Variants in ATXN7 observed in about 807,000 individuals in gnomAD.
ATXN7 encodes ataxin-7.
A neutral mutation model predicts 70.5 loss-of-function variants in ATXN7; 12 were observed. The ratio of observed to expected loss-of-function variants is 0.17; its 90% CI spans 0.11 to 0.28. ATXN7 has a LOEUF of 0.28. ATXN7 is among the 10% of genes least tolerant of loss of function. ATXN7 has a pLI of 1.00. For synonymous variants in ATXN7, 498 were observed against 448.7 expected (o/e 1.11, Z -1.39); for missense variants, 1,256 against 1,131.7 (o/e 1.11, Z -1.58).
intron 1 of ATXN7, among the ~76,000 whole-genome samples, chr3:63,875,248 A>G (rs1702714952): frequency 6.6e-6 from 1 of 151,754 alleles, no homozygotes; most frequent in African/African-American, 2.4e-5. Context: ...ATGCCATTAC[A>G]CTTAGCTAAT....
In ATXN7 at chr3:63,995,580, A is replaced by G. The variant is rs767090720; in HGVS notation, c.1758A>G (p.Thr586=). 2 of 1,614,180 alleles carry G rather than the reference A, an allele frequency of 1.2e-6. No individual in the cohort carries two copies. The highest frequency in any genetic ancestry group is 8.5e-7 in the Non-Finnish European group (1 of 1,180,014). The stretch of plus-strand genomic sequence containing the variant: ...CTCACCGGACAAACTCTGTGCCGAC[A>G]TCACAATGTGGAGTCAGCTATCTGG... ...RIPHRTNSVP[T]SQCGVSYLAA... is the part of the protein sequence containing the mutation. The change falls in exon 12 of 13, where the codon ACA becomes ACG. Residue 586 remains threonine, a synonymous_variant. Coordinates refer to ENST00000674280, the MANE Select transcript of ATXN7 (RefSeq NM_001377405.1).
intron 1 of ATXN7, among the ~76,000 whole-genome samples, chr3:63,880,033 C>T (rs984376522): frequency 1.3e-5 from 2 of 152,018 alleles, no homozygotes; most frequent in African/African-American, 4.8e-5. Context: ...TTGCGGTGAG[C>T]TGAGATCGCG....
Position 63,988,237 on chromosome 3 carries a change from C to T in ATXN7, c.1274C>T (p.Pro425Leu), listed in dbSNP as rs921363328. The change falls in exon 9 of 13, where the codon CCG (proline) becomes CTG (leucine). Residue 425 changes from proline to leucine, a missense_variant. Pro to Leu is a moderately conservative substitution (Grantham distance 98). Coordinates refer to ENST00000674280, the MANE Select transcript of ATXN7 (RefSeq NM_001377405.1). ...GCCCCTCCTAGAACGTCACAGGAGC[C>T]GCACCAAAACCCTCACGGAGTGATT... ...HPAPPRTSQE[P>L]HQNPHGVIPS... is the part of the protein sequence containing the mutation. 15 of 1,613,984 alleles carry T rather than the reference C, an allele frequency of 9.3e-6. No individual in the cohort carries two copies. The highest frequency in any genetic ancestry group is 4.0e-5 in the African/African-American group (3 of 74,886).
chr3:63,895,437 T>C (rs1309572177), intron 1 of ATXN7, among the ~76,000 whole-genome samples: 2 of 152,204 alleles, frequency 1.3e-5, no homozygotes, highest in African/African-American at 4.8e-5. Flanking sequence ...TATATTCTTT[T>C]ATAACACATT....
chr3:63,960,396 G>A (rs975870787), intron 5 of ATXN7, among the ~76,000 whole-genome samples: 2 of 152,176 alleles, frequency 1.3e-5, no homozygotes, highest in African/African-American at 2.4e-5. Context: ...AGTCGCTGGA[G>A]GGTTTTGGCC....
intron 1 of ATXN7, among the ~76,000 whole-genome samples, chr3:63,866,458 G>T (rs1207151036): frequency 6.6e-6 from 1 of 152,014 alleles, no homozygotes; most frequent in Non-Finnish European, 1.5e-5. Flanking sequence ...ATCTCACTAT[G>T]TTGCCCAGGC....
intron 4 of ATXN7, among the ~76,000 whole-genome samples, chr3:63,922,034 T>A (rs1037129295): frequency 1.3e-5 from 2 of 152,128 alleles, no homozygotes; most frequent in African/African-American, 2.4e-5. Context: ...TTTCTTTTTT[T>A]TTCTTTTTTA....
At chr3:63,914,531 GC>G (rs762055897) in intron 4 of ATXN7, among the ~76,000 whole-genome samples, 3 of 152,204 alleles carry the variant, frequency 2.0e-5, no homozygotes, top group Non-Finnish European at 2.9e-5. Flanking sequence ...TGAATTGGCA[GC>G]CTGCCTGGGC....
At chr3:63,877,952 C>T (rs980716594) in intron 1 of ATXN7, among the ~76,000 whole-genome samples, 2 of 152,166 alleles carry the variant, frequency 1.3e-5, no homozygotes, top group African/African-American at 4.8e-5. Flanking sequence ...AAGAAAAGTG[C>T]TAATCTGGTC....
At chr3:63,965,655 A>C (rs17069549) in intron 5 of ATXN7, among the ~76,000 whole-genome samples, 3,353 of 152,296 alleles carry the variant, frequency 0.022, 120 homozygotes, top group African/African-American at 0.075. Context: ...GACCTAGACA[A>C]TTAACGTCTG....
intron 4 of ATXN7, among the ~76,000 whole-genome samples, chr3:63,942,314 A>G (rs201423035): frequency 6.6e-6 from 1 of 152,368 alleles, no homozygotes; most frequent in Non-Finnish European, 1.5e-5. Context: ...CATAAGGCAC[A>G]CAGCCTCTCT....
chr3:63,961,606 T>C (rs1216136122), intron 5 of ATXN7, among the ~76,000 whole-genome samples: 1 of 152,120 alleles, frequency 6.6e-6, no homozygotes, highest in Non-Finnish European at 1.5e-5. Flanking sequence ...TTGTTTATAA[T>C]GTGTATATGG....
At chr3:63,865,135 T>C (rs1247748377) in intron 1 of ATXN7, 1 of 152,246 alleles carries the variant, frequency 6.6e-6, no homozygotes, top group Non-Finnish European at 1.5e-5. Context: ...TAAATTTAGG[T>C]ACATTCTCCC....
chr3:63,935,428 G>T lies in ATXN7; in HGVS notation c.395-16951G>T, dbSNP rs185809823. On this transcript the variant is annotated intron_variant, in intron 4 of 12. Coordinates refer to ENST00000674280, the MANE Select transcript of ATXN7 (RefSeq NM_001377405.1). ...AATCAGAATGGATTATAACATTTAA[G>T]GGTACATTAAAAAAAAATTATTCCC... 4.8e-3 allele frequency among the ~76,000 whole-genome samples: 727 copies of T among 152,042 alleles called. 5 individuals carry two copies. Among genetic ancestry groups the T allele is most frequent in the Non-Finnish European group, 7.2e-3 (489 of 67,986 alleles).
chr3:63,874,042 G>T (rs965291067), intron 1 of ATXN7, among the ~76,000 whole-genome samples: 1 of 152,108 alleles, frequency 6.6e-6, no homozygotes, highest in African/African-American at 2.4e-5. Context: ...CATTCTTGTG[G>T]CTCTACACTG....
At chr3:63,898,937 A>G (rs1383101110) in intron 2 of ATXN7, among the ~76,000 whole-genome samples, 1 of 152,194 alleles carries the variant, frequency 6.6e-6, no homozygotes, top group African/African-American at 2.4e-5. Context: ...AGACTGTAAA[A>G]CAGGCAAGCG....
intron 4 of ATXN7, among the ~76,000 whole-genome samples, chr3:63,933,005 G>A (rs1237934716): frequency 2.6e-5 from 4 of 152,122 alleles, no homozygotes; most frequent in East Asian, 1.9e-4. Flanking sequence ...TGCTTTTACC[G>A]ACAGTCCTAC....
intron 4 of ATXN7, among the ~76,000 whole-genome samples, chr3:63,948,872 A>G (rs2074909135): frequency 6.6e-6 from 1 of 152,170 alleles, no homozygotes; most frequent in South Asian, 2.1e-4. Context: ...ACAACAATAA[A>G]ATCCATTCTT....
intron 11 of ATXN7, 93 bp downstream of exon 11, chr3:63,990,952 T>G: frequency 6.3e-7 from 1 of 1,584,368 alleles, no homozygotes; most frequent in Non-Finnish European, 8.6e-7. Context: ...GAAGATATGC[T>G]TATCTAAACA....
Sources: allele counts gnomAD v4.1 joint callset (sites outside exome capture counted in the v4.1 genomes callset), GRCh38; gene constraint gnomAD v4.1.1; transcripts MANE v1.5; gene names NCBI Gene and HGNC (gene_info 2026-07-23, HGNC 2026-07-21).